Variants in DNAAF10 observed in about 807,000 individuals in gnomAD.
The protein encoded by DNAAF10 is dynein axonemal assembly factor 10.
DNAAF10 carries 28 observed loss-of-function variants against 43.7 expected under a neutral mutation model. The observed-to-expected ratio is 0.64, with a 90% CI of 0.48 to 0.88. DNAAF10 has a LOEUF of 0.88. Ranked by LOEUF, DNAAF10 falls within the 40% of genes least tolerant of loss-of-function variation. The probability of loss-of-function intolerance (pLI) is 0.00; values close to 1 mark genes in which losing one functional copy is unlikely to be tolerated. For synonymous variants in DNAAF10, 156 were observed against 157.3 expected (o/e 0.99, Z 0.06); for missense variants, 403 against 439.1 (o/e 0.92, Z 0.73).
intron 1 of DNAAF10, among the ~76,000 whole-genome samples, chr2:68,156,575 CT>C (rs1203290701): frequency 1.3e-5 from 2 of 152,044 alleles, no homozygotes; most frequent in Non-Finnish European, 2.9e-5. Flanking sequence ...TCCGTTTTTT[CT>C]TAGAAAAAAG....
intron 4 of DNAAF10, among the ~76,000 whole-genome samples, chr2:68,140,861 C>T (rs544153486): frequency 2.8e-4 from 42 of 152,286 alleles, no homozygotes; most frequent in Admixed American, 1.8e-3. Context: ...ACACTAAAAA[C>T]GTACAGACTT....
chr2:68,132,986 C>T lies in DNAAF10; in HGVS notation c.867-1541G>A, dbSNP rs149620727. ...AGAAAACTGGGACTAGTTCTTCAAGCGAGCAGCCTAAAGAGTTTGGTCACC... is the reference window on the plus strand; with the variant it reads ...AGAAAACTGGGACTAGTTCTTCAAGTGAGCAGCCTAAAGAGTTTGGTCACC... On this transcript the variant is annotated intron_variant, in intron 7 of 7. Coordinates refer to ENST00000295121, the MANE Select transcript of DNAAF10 (RefSeq NM_138458.4). 3.6e-3 allele frequency among the ~76,000 whole-genome samples: 552 copies of T among 152,282 alleles called. 4 individuals carry two copies. The highest frequency in any genetic ancestry group is 4.6e-3 in the Non-Finnish European group (313 of 68,014).
intron 1 of DNAAF10, among the ~76,000 whole-genome samples, chr2:68,148,342 T>C (rs1673373260): frequency 6.6e-6 from 1 of 152,266 alleles, no homozygotes; most frequent in East Asian, 1.9e-4. Context: ...TTCTACTACA[T>C]GCAAGTCACT....
intron 1 of DNAAF10, among the ~76,000 whole-genome samples, chr2:68,151,455 TTAC>T (rs1460423719): frequency 3.3e-5 from 5 of 152,180 alleles, no homozygotes; most frequent in Non-Finnish European, 7.4e-5. Flanking sequence ...AACCCCTAAA[TTAC>T]TGTCACTCAC....
At position 68,154,364 on chromosome 2, in the gene DNAAF10, A is replaced by G. The variant is rs549877790; in HGVS notation, c.183+2897T>C. Among the ~76,000 whole-genome samples the G allele has an allele frequency of 9.5e-4, 144 of 152,148 alleles. 1 individual carries two copies. Among genetic ancestry groups the G allele is most frequent in the African/African-American group, 3.3e-3 (135 of 41,508 alleles). On this transcript the variant is annotated intron_variant, in intron 1 of 7. Coordinates refer to ENST00000295121, the MANE Select transcript of DNAAF10 (RefSeq NM_138458.4). ...CAGGTTGAAGCCATTCTCCTGCCTC[A>G]GCCTCCTGAGTAGCTGGGACTACAG...
intron 2 of DNAAF10, among the ~76,000 whole-genome samples, chr2:68,146,962 T>C (rs568028697): frequency 6.6e-6 from 1 of 152,200 alleles, no homozygotes; most frequent in Non-Finnish European, 1.5e-5. Flanking sequence ...AAAAAGGCAT[T>C]TGGCAGAATT....
Position 68,137,291 on chromosome 2 carries a change from A to T in DNAAF10, c.768+8T>A. The T allele has an allele frequency of 6.2e-7, 1 of 1,607,062 alleles. No individual in the cohort carries two copies. The highest frequency in any genetic ancestry group is 8.5e-7 in the Non-Finnish European group (1 of 1,177,102). ...TTCTTCATAGAAAGACATTTCCCTC[A>T]TATTTACCTTTTCTGAAACAGAGGC... On this transcript the variant is annotated splice_region_variant and intron_variant, in intron 6 of 7. Transcript: ENST00000295121.
At chr2:68,139,629 A>G (rs1274668069) in intron 4 of DNAAF10, among the ~76,000 whole-genome samples, 4 of 151,144 alleles carry the variant, frequency 2.6e-5, no homozygotes, top group African/African-American at 7.3e-5. Context: ...ACTAAAAAAA[A>G]AAAAAAAAGA....
At chr2:68,133,582 G>A (rs1397881151) in intron 7 of DNAAF10, among the ~76,000 whole-genome samples, 2 of 151,970 alleles carry the variant, frequency 1.3e-5, no homozygotes, top group Non-Finnish European at 2.9e-5. Context: ...GTGAAACCCC[G>A]TCTCTACTAA....
At chr2:68,147,695 T>G (rs570557637) in intron 1 of DNAAF10, 128 bp from the exon 2 acceptor site, 1 of 596,384 alleles carries the variant, frequency 1.7e-6, no homozygotes, top group Admixed American at 3.6e-5. Context: ...TAAAACATCT[T>G]CTGATGAAAA....
chr2:68,155,416 C>T (rs1379236761), intron 1 of DNAAF10, among the ~76,000 whole-genome samples: 1 of 151,644 alleles, frequency 6.6e-6, no homozygotes, highest in Non-Finnish European at 1.5e-5. Flanking sequence ...ATCGCTTGAA[C>T]CTGGGAGGCA....
intron 2 of DNAAF10, among the ~76,000 whole-genome samples, chr2:68,146,908 A>C (rs1230136065): frequency 6.6e-6 from 1 of 152,168 alleles, no homozygotes; most frequent in East Asian, 1.9e-4. Flanking sequence ...AAGGAATTTC[A>C]ATTCATTCCA....
chr2:68,138,899 T>G, intron 4 of DNAAF10, 42 bp from the exon 5 acceptor site: 6 of 1,391,602 alleles, frequency 4.3e-6, no homozygotes, highest in Non-Finnish European at 5.1e-6. Flanking sequence ...TATAAATGCA[T>G]CCTTATAAAG....
intron 4 of DNAAF10, among the ~76,000 whole-genome samples, chr2:68,140,570 A>G (rs1223840896): frequency 2.0e-5 from 3 of 152,166 alleles, no homozygotes; most frequent in Non-Finnish European, 4.4e-5. Flanking sequence ...GGAATACTGC[A>G]AAGAGCTCTT....
At position 68,130,107 on chromosome 2, in the gene DNAAF10, G is replaced by GATATATATATATATATAT. The variant is rs70949671; in HGVS notation, c.*1130_*1131insATATATATATATATATAT. On this transcript the variant is annotated 3_prime_UTR_variant, in exon 8 of 8. Transcript: ENST00000295121. ...ATCTAGACCAACCGTGCCGTTTTGA[G>GATATATATATATATATAT]AGAGAGAGATATATATATATATATT... 156 of 120,320 alleles carry GATATATATATATATATAT rather than the reference G, an allele frequency of 1.3e-3. 2 individuals are homozygous for GATATATATATATATATAT. The highest frequency in any genetic ancestry group is 5.8e-3 in the African/African-American group (138 of 23,900). The allele number at this position is 120,320 out of a possible 1,614,324, so 7.5% of individuals were successfully genotyped here.
chr2:68,154,898 G>A (rs1673553138), intron 1 of DNAAF10, among the ~76,000 whole-genome samples: 1 of 152,038 alleles, frequency 6.6e-6, no homozygotes, highest in Admixed American at 6.6e-5. Context: ...AAGTAGCTGG[G>A]ACTACAGGCT....
At chr2:68,132,516 T>C (rs1193832633) in intron 7 of DNAAF10, among the ~76,000 whole-genome samples, 1 of 152,226 alleles carries the variant, frequency 6.6e-6, no homozygotes, top group African/African-American at 2.4e-5. Context: ...CCCTCCATAT[T>C]ATCTGTTGAA....
chr2:68,152,318 T>TA (rs1162254840), intron 1 of DNAAF10, among the ~76,000 whole-genome samples: 1 of 152,352 alleles, frequency 6.6e-6, no homozygotes, highest in East Asian at 1.9e-4. Flanking sequence ...TTCAACGTAT[T>TA]AAACGTATTA....
rs59876151 is a variant in DNAAF10, at chr2:68,130,115, G to GATATATATATATATATATATATATAT, written c.*1122_*1123insATATATATATATATATATATATATAT. 3.8e-5 allele frequency: 5 copies of GATATATATATATATATATATATATAT among 132,946 alleles called. No homozygotes were observed. The highest frequency in any genetic ancestry group is 1.5e-4 in the African/African-American group (5 of 34,262). 8.2% of individuals were successfully genotyped at this position (132,946 alleles called of 1,614,324 possible). On this transcript the variant is annotated 3_prime_UTR_variant, in exon 8 of 8. Coordinates refer to ENST00000295121, the MANE Select transcript of DNAAF10 (RefSeq NM_138458.4). ...CAACCGTGCCGTTTTGAGAGAGAGAGATATATATATATATATTTGTTTTTT... is the reference window on the plus strand; with the variant it reads ...CAACCGTGCCGTTTTGAGAGAGAGAGATATATATATATATATATATATATATATATATATATATATATTTGTTTTTT...
Sources: gnomAD v4.1 joint callset for allele counts (sites outside exome capture counted in the v4.1 genomes callset) on GRCh38, gnomAD v4.1.1 for gene constraint, MANE v1.5 for transcripts, NCBI Gene and HGNC (gene_info 2026-07-23, HGNC 2026-07-21) for gene names.